SAMMSON: variants seen among roughly 807,000 people sequenced by gnomAD.
The protein encoded by SAMMSON is long intergenic non-protein coding RNA 1212.
At chr3:70,143,702 T>A (rs2067537028) in intron 4 of SAMMSON, among the ~76,000 whole-genome samples, 1 of 152,134 alleles carries the variant, frequency 6.6e-6, no homozygotes, top group African/African-American at 2.4e-5. Context: ...AATCACTCCT[T>A]CCTTGTAGTC....
At chr3:70,390,931 G>A (rs1701041450), downstream of SAMMSON, among the ~76,000 whole-genome samples, 1 of 152,160 alleles carries the variant, frequency 6.6e-6, no homozygotes, top group Non-Finnish European at 1.5e-5. Context: ...GTAAGTGTTT[G>A]TTGCCTATTA....
chr3:70,206,493 AGCATAT>A (rs1701291854), intron 4 of SAMMSON: 1 of 396,082 alleles, frequency 2.5e-6, no homozygotes, highest in Non-Finnish European at 4.4e-6. Context: ...TTTTCCTAAC[AGCATAT>A]GTGATGATTT....
chr3:70,410,117 C>T (rs781459352), intron 2 of SAMMSON, among the ~76,000 whole-genome samples: 52 of 152,170 alleles, frequency 3.4e-4, no homozygotes, highest in Non-Finnish European at 6.9e-4. Flanking sequence ...AATCTTTTCC[C>T]CCTAAACTAT....
chr3:70,364,605 A>G (rs1486469888), intron 9 of SAMMSON, among the ~76,000 whole-genome samples: 1 of 151,844 alleles, frequency 6.6e-6, no homozygotes, highest in Non-Finnish European at 1.5e-5. Context: ...GGTTCTGGCT[A>G]GTGTTCTGTG....
At chr3:70,158,311 G>A (rs1463777931) in intron 4 of SAMMSON, among the ~76,000 whole-genome samples, 1 of 152,018 alleles carries the variant, frequency 6.6e-6, no homozygotes, top group Non-Finnish European at 1.5e-5. Context: ...ACAATATATG[G>A]TATTTTGTGT....
At chr3:70,266,338 G>A (rs888565342) in intron 6 of SAMMSON, among the ~76,000 whole-genome samples, 8 of 151,790 alleles carry the variant, frequency 5.3e-5, no homozygotes, top group South Asian at 2.1e-4. Context: ...AACTGTAATC[G>A]TTATTAAATA....
chr3:70,320,822 G>A (rs1212929317), intron 7 of SAMMSON, among the ~76,000 whole-genome samples: 1 of 152,086 alleles, frequency 6.6e-6, no homozygotes, highest in East Asian at 1.9e-4. Context: ...AGTCAGCTAG[G>A]GCGGCCTGTT....
intron 4 of SAMMSON, among the ~76,000 whole-genome samples, chr3:70,198,170 G>T (rs932100789): frequency 6.6e-6 from 1 of 152,112 alleles, no homozygotes; most frequent in East Asian, 1.9e-4. Context: ...GTAATCTGAA[G>T]ATTATTGATG....
intron 2 of SAMMSON, among the ~76,000 whole-genome samples, chr3:70,409,803 T>G (rs2106767932): frequency 6.6e-6 from 1 of 152,334 alleles, no homozygotes; most frequent in Non-Finnish European, 1.5e-5. Flanking sequence ...GTTCTTTTAT[T>G]CATTTTCATG....
chr3:70,194,436 C>T (rs373791634), intron 4 of SAMMSON, among the ~76,000 whole-genome samples: 11 of 152,172 alleles, frequency 7.2e-5, no homozygotes, highest in Admixed American at 2.6e-4. Context: ...TCCCCAGCTG[C>T]GTATGTTTTA....
intron 7 of SAMMSON, among the ~76,000 whole-genome samples, chr3:70,302,010 T>C (rs1037975944): frequency 3.3e-5 from 5 of 152,096 alleles, no homozygotes; most frequent in African/African-American, 7.2e-5. Context: ...CAGATCCATA[T>C]TGGTGTGGAA....
intron 4 of SAMMSON, among the ~76,000 whole-genome samples, chr3:70,076,469 G>A (rs2067248961): frequency 6.6e-6 from 1 of 152,146 alleles, no homozygotes; most frequent in Non-Finnish European, 1.5e-5. Flanking sequence ...CCAGCTAACT[G>A]GGTGCCTCAA....
downstream of SAMMSON, among the ~76,000 whole-genome samples, chr3:70,392,101 T>A (rs993246927): frequency 1.2e-4 from 19 of 152,180 alleles, no homozygotes; most frequent in African/African-American, 4.3e-4. Context: ...TGATATAATT[T>A]TGTTCTTTGA....
At chr3:70,104,226 C>T (rs974158567) in intron 4 of SAMMSON, among the ~76,000 whole-genome samples, 5 of 151,686 alleles carry the variant, frequency 3.3e-5, no homozygotes, top group Admixed American at 2.0e-4. Flanking sequence ...AAAGCAAATA[C>T]GAATAGGCAG....
chr3:70,090,857 G>T (rs2067302589), intron 4 of SAMMSON, among the ~76,000 whole-genome samples: 2 of 151,286 alleles, frequency 1.3e-5, no homozygotes, highest in South Asian at 4.2e-4. Flanking sequence ...TACTAAAGCT[G>T]CCTGAATCTT....
intron 3 of SAMMSON, among the ~76,000 whole-genome samples, chr3:70,057,121 C>G (rs2107590796): frequency 6.6e-6 from 1 of 152,114 alleles, no homozygotes; most frequent in Admixed American, 6.6e-5. Context: ...AAATTACATT[C>G]AGAGCACTTC....
At chr3:70,419,033 CT>C (rs1701290242) in intron 2 of SAMMSON, among the ~76,000 whole-genome samples, 1 of 126,996 alleles carries the variant, frequency 7.9e-6, no homozygotes, top group African/African-American at 3.1e-5. Context: ...TTCTTTCTTT[CT>C]TCTTTCTTTC....
chr3:70,072,890 G>A (rs1347881982), intron 4 of SAMMSON, among the ~76,000 whole-genome samples: 1 of 151,972 alleles, frequency 6.6e-6, no homozygotes, highest in Admixed American at 6.6e-5. Context: ...GTATGAAGTA[G>A]GGCAATAGTC....
At chr3:70,362,798 G>C (rs1308207012) in intron 9 of SAMMSON, among the ~76,000 whole-genome samples, 6 of 142,970 alleles carry the variant, frequency 4.2e-5, no homozygotes, top group Non-Finnish European at 1.5e-5. Flanking sequence ...ACCCAGGAAA[G>C]ATCTGCTTTT....
Sources: gnomAD v4.1 joint callset for allele counts (sites outside exome capture counted in the v4.1 genomes callset) on GRCh38, gnomAD v4.1.1 for gene constraint, MANE v1.5 for transcripts, NCBI Gene and HGNC (gene_info 2026-07-23, HGNC 2026-07-21) for gene names.